PPP1R36: variants seen among roughly 807,000 people sequenced by gnomAD.
PPP1R36 encodes the protein chromosome 14 open reading frame 50.
In PPP1R36, 47 loss-of-function variants were observed where a neutral mutation model predicts 53.4. That is an observed-to-expected ratio of 0.88 (90% CI 0.70 to 1.12). The LOEUF (loss-of-function observed/expected upper bound fraction) is 1.12, where lower values mean the gene tolerates loss of function less well. Among genes scored for constraint, PPP1R36 ranks in the 50% most tolerant of loss-of-function variants. The pLI is 0.00. For synonymous variants in PPP1R36, 153 were observed against 170.5 expected (o/e 0.90, Z 0.80); for missense variants, 456 against 513.9 (o/e 0.89, Z 1.09).
chr14:64,564,609 A>G lies in PPP1R36; in HGVS notation c.183-142A>G, dbSNP rs999875035. ...TTTTTTCTCTAGATAAGTGTTCCATATATAAATAGATGAATTGAACACTGC... is the reference window on the plus strand; with the variant it reads ...TTTTTTCTCTAGATAAGTGTTCCATGTATAAATAGATGAATTGAACACTGC... On this transcript the variant is annotated intron_variant, in intron 3 of 11. Transcript: ENST00000298705. 7 of 528,100 alleles carry G rather than the reference A, an allele frequency of 1.3e-5. No homozygotes were observed. In the South Asian group the frequency reaches 1.3e-4, roughly 10 times the overall value. The allele number at this position is 528,100 out of a possible 1,614,324, so 32.7% of individuals were successfully genotyped here.
chr14:64,587,449 T>C (rs12887917), intron 10 of PPP1R36, 77 bp downstream of exon 10: 150 of 18,998 alleles, frequency 7.9e-3, no homozygotes, highest in African/African-American at 0.065. Context: ...TTTTTTCTCC[T>C]TTTTTTTTTT....
intron 6 of PPP1R36, among the ~76,000 whole-genome samples, chr14:64,566,234 C>T (rs1487003234): frequency 6.6e-6 from 1 of 151,970 alleles, no homozygotes; most frequent in Non-Finnish European, 1.5e-5. Flanking sequence ...TGCCAATGCG[C>T]TCCAGCCTGG....
intron 7 of PPP1R36, among the ~76,000 whole-genome samples, chr14:64,568,848 T>C (rs1165452203): frequency 6.6e-6 from 1 of 152,190 alleles, no homozygotes; most frequent in Non-Finnish European, 1.5e-5. Context: ...TGTTACTTTT[T>C]TGTAGTAAGT....
rs2080437252 is a variant in PPP1R36 at position 64,586,837 on chromosome 14, G to A, written c.669G>A (p.Lys223=). The A allele has an allele frequency of 2.5e-6, 4 of 1,609,546 alleles. No homozygotes were observed. The highest frequency in any genetic ancestry group is 1.7e-4 in the Middle Eastern group (1 of 6,048). ...ATAGTTGTGACTTGTTATATTACAG[G>A]GAGAAAATATCAGATACACAGAAAG... ...VPDKHHMCCG[K]EKISDTQKDW... Residue 223 remains lysine (K), a splice_region_variant and synonymous_variant, in exon 9 of 12, where the codon AAG becomes AAA. Transcript: ENST00000298705.
chr14:64,587,792 T>G (rs2080448002), intron 10 of PPP1R36, among the ~76,000 whole-genome samples: 1 of 151,900 alleles, frequency 6.6e-6, no homozygotes, highest in Non-Finnish European at 1.5e-5. Context: ...AGGATCTCAT[T>G]CCGTCACCTA....
chr14:64,553,775 C>A (rs4902291), intron 3 of PPP1R36, among the ~76,000 whole-genome samples: 69,273 of 147,634 alleles, frequency 0.47, 16,757 homozygotes, highest in East Asian at 0.67. Context: ...AAATTCATCA[C>A]GCTGCACACT....
At chr14:64,579,354 T>C (rs894360948) in intron 8 of PPP1R36, among the ~76,000 whole-genome samples, 1 of 152,052 alleles carries the variant, frequency 6.6e-6, no homozygotes, top group South Asian at 2.1e-4. Flanking sequence ...ATGAGTGAGG[T>C]ATAGTAGTAG....
intron 1 of PPP1R36, among the ~76,000 whole-genome samples, chr14:64,550,510 G>C (rs933803760): frequency 6.6e-6 from 1 of 152,200 alleles, no homozygotes; most frequent in African/African-American, 2.4e-5. Context: ...AGGCTGTCCT[G>C]GGTATCAGTT....
chr14:64,586,940 C>T, intron 9 of PPP1R36, 61 bp downstream of exon 9: 1 of 1,343,536 alleles, frequency 7.4e-7, no homozygotes, highest in Non-Finnish European at 1.1e-6. Flanking sequence ...CAACCAATGG[C>T]CATTTGTCAG....
intron 8 of PPP1R36, among the ~76,000 whole-genome samples, chr14:64,575,713 C>G (rs548203100): frequency 6.6e-6 from 1 of 151,478 alleles, no homozygotes; most frequent in Non-Finnish European, 1.5e-5. Flanking sequence ...TGCAGTGGCA[C>G]GATCTTGGCT....
chr14:64,584,144 C>T (rs1013805835), intron 8 of PPP1R36, among the ~76,000 whole-genome samples: 3 of 152,014 alleles, frequency 2.0e-5, no homozygotes, highest in African/African-American at 2.4e-5. Context: ...TCAGGTGATC[C>T]GCCTGCCTTA....
intron 5 of PPP1R36, 49 bp from the exon 6 acceptor site, chr14:64,565,577 C>T: frequency 6.5e-7 from 1 of 1,537,856 alleles, no homozygotes. Context: ...GTGTGACTCT[C>T]TAAGGTAGCT....
chr14:64,569,220 G>A (rs2080284082), intron 7 of PPP1R36, among the ~76,000 whole-genome samples: 3 of 152,168 alleles, frequency 2.0e-5, no homozygotes, highest in Admixed American at 2.0e-4. Flanking sequence ...ATGCCTCTCA[G>A]CCTTGGTGAC....
intron 2 of PPP1R36, 119 bp from the exon 3 acceptor site, chr14:64,552,695 T>G (rs1024753689): frequency 1.4e-6 from 1 of 718,550 alleles, no homozygotes; most frequent in Non-Finnish European, 2.4e-6. Context: ...AACAAATAAT[T>G]CAAAGGCTTA....
At chr14:64,579,463 T>A (rs766318199) in intron 8 of PPP1R36, among the ~76,000 whole-genome samples, 21 of 152,154 alleles carry the variant, frequency 1.4e-4, no homozygotes, top group Non-Finnish European at 3.1e-4. Context: ...TTTAGGGCTG[T>A]TGGTGGAGGT....
intron 11 of PPP1R36, 99 bp from the exon 12 acceptor site, chr14:64,589,051 TAC>T: frequency 7.1e-5 from 57 of 805,528 alleles, no homozygotes; most frequent in Non-Finnish European, 8.4e-5. Context: ...TTAGTGTACA[TAC>T]ACACACACAT....
At chr14:64,583,630 C>T (rs950645828) in intron 8 of PPP1R36, among the ~76,000 whole-genome samples, 1 of 151,958 alleles carries the variant, frequency 6.6e-6, no homozygotes, top group South Asian at 2.1e-4. Flanking sequence ...CCATGACCAA[C>T]ACAGAGAAAC....
intron 3 of PPP1R36, among the ~76,000 whole-genome samples, chr14:64,563,085 C>G (rs1166770714): frequency 6.6e-6 from 1 of 152,150 alleles, no homozygotes; most frequent in African/African-American, 2.4e-5. Context: ...AGGCTGGTCT[C>G]AAACTCCCGA....
At chr14:64,573,913 CAAAAAAAAAAAAAAAAAAAAAA>C (rs35427371) in intron 7 of PPP1R36, among the ~76,000 whole-genome samples, 10 of 32,520 alleles carry the variant, frequency 3.1e-4, no homozygotes, top group Non-Finnish European at 4.4e-4. Context: ...GACTCTGTCT[CAAAAAAAAAAAAAAAAAAAAAA>C]AAAAAAAAAG....
Sources: gnomAD v4.1 joint callset for allele counts (sites outside exome capture counted in the v4.1 genomes callset) on GRCh38, gnomAD v4.1.1 for gene constraint, MANE v1.5 for transcripts, NCBI Gene and HGNC (gene_info 2026-07-23, HGNC 2026-07-21) for gene names.